Variants in SSH2 observed in about 807,000 individuals in gnomAD.
SSH2 encodes slingshot protein phosphatase 2.
Under a neutral mutation model 135.2 loss-of-function variants are expected in SSH2, and 37 were observed. The ratio of observed to expected loss-of-function variants is 0.27; its 90% CI spans 0.21 to 0.36. SSH2 has a LOEUF of 0.36. Among genes scored for constraint, SSH2 ranks in the 10% least tolerant of loss-of-function variants. SSH2 has a pLI of 1.00. For missense variants in SSH2, 1,408 were observed against 1,765.3 expected, an observed-to-expected ratio of 0.80 and a Z score of 3.63; for synonymous variants, 628 against 646.2, an observed-to-expected ratio of 0.97 and a Z score of 0.43.
chr17:29,804,725 G>C (rs534229359), intron 2 of SSH2, among the ~76,000 whole-genome samples: 12 of 152,086 alleles, frequency 7.9e-5, no homozygotes, highest in African/African-American at 2.9e-4. Context: ...AGGTTGGAAT[G>C]CAAAGGCACG....
intron 3 of SSH2, among the ~76,000 whole-genome samples, chr17:29,703,735 C>T (rs903648619): frequency 2.6e-5 from 4 of 152,028 alleles, no homozygotes; most frequent in South Asian, 2.1e-4. Context: ...CGAGCCACCA[C>T]GACCAGCTAA....
At position 29,636,192 on chromosome 17, in the gene SSH2, A is replaced by G; in HGVS notation, c.2038T>C (p.Phe680Leu). 1 of 1,614,186 alleles carries G rather than the reference A, an allele frequency of 6.2e-7. No homozygotes were observed. The change falls in exon 15 of 16, where the codon TTT becomes CTT. Residue 680 changes from phenylalanine to leucine, a missense_variant. This residue lies in a region of SSH2 where 1,080 missense variants were observed against 1,144.5 expected (regional missense o/e 0.94). Coordinates refer to ENST00000540801, the MANE Select transcript of SSH2 (RefSeq NM_001282129.2). ...TCCACAAACTTCTCTAGGGCACTAA[A>G]AAAGTCAATGCGATCTGTACTGAAA... is the stretch of plus-strand genomic sequence containing the variant. ...SDFSTDRIDF[F>L]SALEKFVELS...
chr17:29,806,319 A>AT (rs2042344923), intron 2 of SSH2, among the ~76,000 whole-genome samples: 1 of 152,220 alleles, frequency 6.6e-6, no homozygotes, highest in Non-Finnish European at 1.5e-5. Context: ...AAGTGAGATA[A>AT]TTTGCTCAAA....
Position 29,793,944 on chromosome 17 carries a change from A to G in SSH2, c.145-7T>C. 1.2e-6 allele frequency: 2 copies of G among 1,609,144 alleles called. No homozygotes were observed. The highest frequency in any genetic ancestry group is 1.7e-6 in the Non-Finnish European group (2 of 1,177,160). On this transcript the variant is annotated splice_polypyrimidine_tract_variant and splice_region_variant and intron_variant, in intron 2 of 15. Coordinates refer to ENST00000540801, the MANE Select transcript of SSH2 (RefSeq NM_001282129.2). Reference sequence around the variant, plus strand: ...CCTCCCCACTGTCTGCCTCCTGTATAGACAGAAAATGAAAAAAAAAATTAA... The same window carrying G: ...CCTCCCCACTGTCTGCCTCCTGTATGGACAGAAAATGAAAAAAAAAATTAA...
intron 2 of SSH2, among the ~76,000 whole-genome samples, chr17:29,826,114 A>T (rs2042738522): frequency 6.6e-6 from 1 of 152,266 alleles, no homozygotes; most frequent in Non-Finnish European, 1.5e-5. Flanking sequence ...AGGGGCTGCA[A>T]AAACACAAAG....
At chr17:29,753,920 A>C (rs1454926767) in intron 3 of SSH2, among the ~76,000 whole-genome samples, 1 of 152,204 alleles carries the variant, frequency 6.6e-6, no homozygotes. Flanking sequence ...TTATCTAAAG[A>C]AATGTTTACA....
chr17:29,696,208 C>CACACACACACACACACACACAT (rs373379041), intron 4 of SSH2, among the ~76,000 whole-genome samples: 1 of 140,802 alleles, frequency 7.1e-6, no homozygotes, highest in South Asian at 2.3e-4. Context: ...CACACACACA[C>CACACACACACACACACACACAT]ATATGTATAT....
intron 15 of SSH2, 101 bp from the exon 16 acceptor site, chr17:29,633,032 G>A: frequency 1.9e-6 from 2 of 1,075,474 alleles, no homozygotes. Flanking sequence ...CAACCTATCT[G>A]ACTAAGAGAA....
chr17:29,750,496 C>T (rs1017490059), intron 3 of SSH2, among the ~76,000 whole-genome samples: 3 of 150,456 alleles, frequency 2.0e-5, no homozygotes, highest in African/African-American at 4.9e-5. Context: ...AAAAATTGTA[C>T]AAATATACAA....
intron 8 of SSH2, chr17:29,675,874 A>C (rs952606822): frequency 2.0e-5 from 3 of 152,164 alleles, no homozygotes; most frequent in Admixed American, 6.5e-5. Context: ...AAATACTCTC[A>C]GGGCAGTTAT....
chr17:29,892,959 C>T (rs2066377125), intron 1 of SSH2, among the ~76,000 whole-genome samples: 1 of 152,052 alleles, frequency 6.6e-6, no homozygotes, highest in African/African-American at 2.4e-5. Context: ...TCTAGCTACT[C>T]TTCCTTTCCT....
chr17:29,726,992 C>G (rs991447171), intron 3 of SSH2, among the ~76,000 whole-genome samples: 4 of 152,364 alleles, frequency 2.6e-5, no homozygotes, highest in Admixed American at 1.3e-4. Flanking sequence ...GCCAGGGAAG[C>G]TTACAGGCAA....
intron 1 of SSH2, chr17:29,863,774 G>A (rs2065805545): frequency 6.6e-6 from 1 of 152,148 alleles, no homozygotes; most frequent in African/African-American, 2.4e-5. Context: ...TCTATAAGTA[G>A]ATTTTGTGTG....
At chr17:29,716,337 G>T in intron 3 of SSH2, 1 of 454,192 alleles carries the variant, frequency 2.2e-6, no homozygotes, top group Non-Finnish European at 4.1e-6. Context: ...TCTTTCACGT[G>T]CTTCAGGAAG....
chr17:29,928,874 A>T (rs2067120612), intron 1 of SSH2, among the ~76,000 whole-genome samples: 1 of 152,232 alleles, frequency 6.6e-6, no homozygotes, highest in African/African-American at 2.4e-5. Context: ...ACCTGATACT[A>T]CCAAATCCAC....
intron 2 of SSH2, chr17:29,838,833 C>G (rs1029994404): frequency 5.6e-6 from 1 of 179,640 alleles, no homozygotes; most frequent in Non-Finnish European, 1.1e-5. Context: ...ATACCTCACT[C>G]TTCCTGGACA....
chr17:29,878,813 T>C (rs1231201274), intron 1 of SSH2, among the ~76,000 whole-genome samples: 1 of 152,168 alleles, frequency 6.6e-6, no homozygotes, highest in Non-Finnish European at 1.5e-5. Flanking sequence ...AATGGTATAA[T>C]ATGAAACTCA....
chr17:29,929,802 G>C, intron 1 of SSH2, 136 bp downstream of exon 1: 2 of 760,604 alleles, frequency 2.6e-6, no homozygotes, highest in Non-Finnish European at 4.3e-6. Flanking sequence ...GGGGGTGTGG[G>C]GGGGTTCGCG....
chr17:29,914,813 A>G (rs988782129), intron 1 of SSH2, among the ~76,000 whole-genome samples: 1 of 152,220 alleles, frequency 6.6e-6, no homozygotes, highest in African/African-American at 2.4e-5. Context: ...TTCATTACAC[A>G]TGACTTCATT....
Sources: allele counts gnomAD v4.1 joint callset (sites outside exome capture counted in the v4.1 genomes callset), GRCh38; gene constraint gnomAD v4.1.1; regional missense constraint gnomAD v4.1.1; transcripts MANE v1.5; gene names NCBI Gene and HGNC (gene_info 2026-07-23, HGNC 2026-07-21).